Variants in NECAB2 observed in about 807,000 individuals in gnomAD.
The protein encoded by NECAB2 is N-terminal EF-hand calcium-binding protein 2.
NECAB2 carries 68 observed loss-of-function variants against 51.9 expected under a neutral mutation model. The ratio of observed to expected loss-of-function variants is 1.31; its 90% CI spans 1.08 to 1.60. The LOEUF (loss-of-function observed/expected upper bound fraction) is 1.60. Ranked by LOEUF, NECAB2 falls within the 40% of genes most tolerant of loss-of-function variation. The pLI, the probability that NECAB2 is intolerant of heterozygous loss-of-function variation, is 0.00. For missense variants in NECAB2, 854 were observed against 490.3 expected, an observed-to-expected ratio of 1.74 and a Z score of -7.00; for synonymous variants, 329 against 203.5, an observed-to-expected ratio of 1.62 and a Z score of -5.25.
At chr16:83,986,053 G>A (rs756641993) in intron 5 of NECAB2, among the ~76,000 whole-genome samples, 37 of 151,612 alleles carry the variant, frequency 2.4e-4, no homozygotes, top group Admixed American at 3.3e-4. Context: ...TTTCTCTTTC[G>A]TTGCCCAGGC....
At chr16:84,001,621 C>T (rs575080759) in intron 11 of NECAB2, among the ~76,000 whole-genome samples, 14 of 152,238 alleles carry the variant, frequency 9.2e-5, no homozygotes, top group African/African-American at 3.4e-4. Flanking sequence ...TTATAGCTCA[C>T]AGGGAAAAAG....
At chr16:83,989,974 G>C (rs2084601580) in intron 5 of NECAB2, among the ~76,000 whole-genome samples, 1 of 152,148 alleles carries the variant, frequency 6.6e-6, no homozygotes, top group Non-Finnish European at 1.5e-5. Context: ...CTTAGTAGCA[G>C]CCTGGAGATC....
intron 5 of NECAB2, among the ~76,000 whole-genome samples, chr16:83,989,795 C>T (rs767592694): frequency 1.3e-5 from 2 of 152,172 alleles, no homozygotes; most frequent in Admixed American, 6.5e-5. Flanking sequence ...TGTTCCACAC[C>T]ACAGAGCAAA....
intron 11 of NECAB2, among the ~76,000 whole-genome samples, chr16:84,001,226 G>GTGTC (rs1316827807): frequency 2.6e-5 from 4 of 151,788 alleles, no homozygotes; most frequent in African/African-American, 9.7e-5. Context: ...ATGGGGTAGG[G>GTGTC]TGTCAGCAGC....
In NECAB2 at chr16:83,968,356, C is replaced by T. The variant is rs994309233; in HGVS notation, c.-293C>T. The stretch of plus-strand genomic sequence containing the variant: ...CCGCCCCCAGGCCCCACATACCCCT[C>T]CCCTCCGGGTAGCCCCCTCTGTGGC... On this transcript the variant is annotated 5_prime_UTR_variant, in exon 1 of 13. Transcript: ENST00000305202. Among the ~76,000 whole-genome samples, 109 of 150,870 alleles carry T rather than the reference C, an allele frequency of 7.2e-4. No individual in the cohort carries two copies. Among genetic ancestry groups the T allele is most frequent in the African/African-American group, 2.4e-3 (100 of 41,324 alleles).
chr16:84,001,585 A>G (rs963152985), intron 11 of NECAB2, among the ~76,000 whole-genome samples: 4 of 152,094 alleles, frequency 2.6e-5, no homozygotes, highest in Non-Finnish European at 5.9e-5. Flanking sequence ...GCTCTGTGCA[A>G]TGAGTGGGGG....
In NECAB2 at chr16:83,978,540, C is replaced by A. The variant is rs753445191; in HGVS notation, c.323C>A (p.Ser108Tyr). ...GAGGATCTCTTTCACACGATTGACT[C>A]TGACAACACCAAGTGAGCTTCAGTC... Reference protein sequence around the residue: ...ELEDLFHTIDSDNTNHVDTKE... With the variant: ...ELEDLFHTIDYDNTNHVDTKE... Residue 108 changes from serine to tyrosine, a missense_variant, in exon 3 of 13, where the codon TCT becomes TAT. Transcript: ENST00000305202. 6.2e-7 allele frequency: 1 copy of A among 1,613,144 alleles called. No homozygotes were observed. The highest frequency in any genetic ancestry group is 2.2e-5 in the East Asian group (1 of 44,872).
chr16:83,975,497 G>A (rs1006681194), intron 2 of NECAB2, among the ~76,000 whole-genome samples: 71 of 152,124 alleles, frequency 4.7e-4, no homozygotes, highest in African/African-American at 1.6e-3. Flanking sequence ...GCGGGAGATG[G>A]GGTGCAAACT....
intron 11 of NECAB2, 50 bp from the exon 12 acceptor site, chr16:84,001,763 GGGAGCCACACGC>G: frequency 6.4e-7 from 1 of 1,565,172 alleles, no homozygotes; most frequent in Non-Finnish European, 8.8e-7. Flanking sequence ...GGATTAACAG[GGGAGCCACACGC>G]GGAGCTCCAC....
chr16:83,987,626 T>C (rs979203840), intron 5 of NECAB2, among the ~76,000 whole-genome samples: 2 of 152,220 alleles, frequency 1.3e-5, no homozygotes, highest in Non-Finnish European at 2.9e-5. Flanking sequence ...ATTTTCCCTA[T>C]GTTACTAAAA....
chr16:84,002,309 T>G lies in NECAB2; in HGVS notation c.1133-9T>G. 1 of 1,613,854 alleles carries G rather than the reference T, an allele frequency of 6.2e-7. No individual in the cohort carries two copies. The highest frequency in any genetic ancestry group is 8.5e-7 in the Non-Finnish European group (1 of 1,179,858). ...ACTCCTTCCCTCTAACGTGTCTCTC[T>G]CCTTTTAGCTGCTTGGTGCACGGTG... On this transcript the variant is annotated splice_polypyrimidine_tract_variant and intron_variant, in intron 12 of 12. Transcript: ENST00000305202.
At chr16:83,966,334 C>G (rs1357948004), upstream of NECAB2, 4 of 386,330 alleles carry the variant, frequency 1.0e-5, no homozygotes, top group South Asian at 5.1e-5. Flanking sequence ...CCCACCTGCT[C>G]TCATGCGTCT....
rs1337235057 is a variant in NECAB2 at position 83,998,236 on chromosome 16, T to C, written c.881T>C (p.Val294Ala). The change falls in exon 10 of 13, where the codon GTG becomes GCG. Residue 294 changes from valine to alanine, a missense_variant. Physicochemically the swap from Val to Ala is moderately conservative, Grantham distance 64. Transcript: ENST00000305202. ...HLQLVRQEMA[V>A]CPEQLSEFLD... ...CAGCTGGTCCGGCAGGAGATGGCCG[T>C]GTGCCCCGAGCAACTGAGCGAGTTT... 2 of 1,612,040 alleles carry C rather than the reference T, an allele frequency of 1.2e-6. No individual in the cohort carries two copies. The highest frequency in any genetic ancestry group is 2.2e-5 in the East Asian group (1 of 44,876).
intron 5 of NECAB2, 50 bp from the exon 6 acceptor site, chr16:83,990,444 A>G (rs369876680): frequency 3.1e-6 from 5 of 1,602,042 alleles, no homozygotes; most frequent in East Asian, 2.2e-5. Context: ...CCCACCTCCA[A>G]TTTCCCTCCC....
intron 10 of NECAB2, among the ~76,000 whole-genome samples, chr16:83,999,622 CATT>C (rs1567680142): frequency 6.6e-6 from 1 of 152,072 alleles, no homozygotes; most frequent in Non-Finnish European, 1.5e-5. Flanking sequence ...GGGGCTTCCT[CATT>C]GTAGTGCACT....
intron 6 of NECAB2, among the ~76,000 whole-genome samples, chr16:83,992,834 T>G (rs528096473): frequency 1.3e-5 from 2 of 152,340 alleles, no homozygotes; most frequent in East Asian, 3.9e-4. Flanking sequence ...TGCCCCAGAA[T>G]TAGCAGCCAT....
chr16:83,965,528 G>A (rs376253888), upstream of NECAB2: 30 of 1,612,428 alleles, frequency 1.9e-5, no homozygotes, highest in East Asian at 4.5e-5. Context: ...CCGCCGGGCC[G>A]TGGACGACCC....
At chr16:84,000,991 G>A (rs554197775) in intron 11 of NECAB2, among the ~76,000 whole-genome samples, 190 bp downstream of exon 11, 21 of 152,022 alleles carry the variant, frequency 1.4e-4, no homozygotes, top group African/African-American at 2.7e-4. Flanking sequence ...TGGGTAGTGA[G>A]AGCCCCCACC....
chr16:84,001,218 G>A (rs1262562663), intron 11 of NECAB2, among the ~76,000 whole-genome samples: 1 of 151,828 alleles, frequency 6.6e-6, no homozygotes, highest in Non-Finnish European at 1.5e-5. Context: ...GGACGGAGAT[G>A]GGGTAGGGTG....
Sources: gnomAD v4.1 joint callset for allele counts (sites outside exome capture counted in the v4.1 genomes callset) on GRCh38, gnomAD v4.1.1 for gene constraint, MANE v1.5 for transcripts, NCBI Gene and HGNC (gene_info 2026-07-23, HGNC 2026-07-21) for gene names.